Variants in PTPRT observed in about 807,000 individuals in gnomAD.
The protein encoded by PTPRT is receptor-type tyrosine-protein phosphatase T.
In PTPRT, 56 loss-of-function variants were observed where a neutral mutation model predicts 176.8. The observed-to-expected ratio is 0.32, with a 90% CI of 0.26 to 0.40. The LOEUF is 0.40. Ranked by LOEUF, PTPRT falls within the 10% of genes least tolerant of loss-of-function variation. The pLI is 1.00. For missense variants in PTPRT, 1,540 were observed against 1,908.2 expected, an observed-to-expected ratio of 0.81 and a Z score of 3.60; for synonymous variants, 783 against 739.0, an observed-to-expected ratio of 1.06 and a Z score of -0.96.
In PTPRT at chr20:42,652,536, G is replaced by T. The variant is rs1342326703; in HGVS notation, c.1153+25330C>A. ...TTGCTGATTTCCTGTTTCCCTCTCA[G>T]AGCATCCCCCTCCCCTTCACTCATG... On this transcript the variant is annotated intron_variant, in intron 7 of 30. Transcript: ENST00000373187. 2.0e-5 allele frequency among the ~76,000 whole-genome samples: 3 copies of T among 152,096 alleles called. No homozygotes were observed. In the East Asian group the frequency reaches 5.8e-4, roughly 29 times the overall value.
At chr20:43,118,550 C>T (rs1047354629) in intron 1 of PTPRT, among the ~76,000 whole-genome samples, 1 of 152,172 alleles carries the variant, frequency 6.6e-6, no homozygotes, top group Admixed American at 6.5e-5. Context: ...AGTGATTCTC[C>T]TGCCTCAGCC....
intron 7 of PTPRT, among the ~76,000 whole-genome samples, chr20:42,626,730 T>C (rs1473788971): frequency 6.6e-6 from 1 of 152,126 alleles, no homozygotes; most frequent in Non-Finnish European, 1.5e-5. Context: ...GAATCCATCA[T>C]GGTGCATCAG....
intron 12 of PTPRT, among the ~76,000 whole-genome samples, chr20:42,299,229 G>A (rs554549236): frequency 4.6e-5 from 7 of 152,098 alleles, no homozygotes; most frequent in South Asian, 4.2e-4. Flanking sequence ...TTAGAACCAC[G>A]TTATAATGTT....
chr20:42,441,977 C>G (rs1431514803), intron 9 of PTPRT, among the ~76,000 whole-genome samples: 1 of 152,196 alleles, frequency 6.6e-6, no homozygotes, highest in East Asian at 1.9e-4. Context: ...AGACTACCTC[C>G]TGCCCATCTG....
At chr20:42,866,728 C>T (rs2078752744) in intron 2 of PTPRT, among the ~76,000 whole-genome samples, 1 of 152,192 alleles carries the variant, frequency 6.6e-6, no homozygotes, top group Admixed American at 6.5e-5. Context: ...GTATCCCTTC[C>T]TAGAATACTA....
intron 1 of PTPRT, among the ~76,000 whole-genome samples, chr20:42,999,602 T>C (rs1600636578): frequency 7.0e-6 from 1 of 142,916 alleles, no homozygotes; most frequent in African/African-American, 2.6e-5. Context: ...AAAAAAAAAC[T>C]TGTGGTTTTT....
At chr20:43,022,771 A>C (rs568579617) in intron 1 of PTPRT, among the ~76,000 whole-genome samples, 4 of 152,318 alleles carry the variant, frequency 2.6e-5, no homozygotes, top group African/African-American at 9.6e-5. Context: ...AAAAAGCATA[A>C]GAACACACAA....
rs74732584 is a variant in PTPRT, at chr20:42,563,991, T to A, written c.1154-91429A>T. ...GGTGGCTCCACTGTCCCAAAGAGTC[T>A]TGAAGTCCCCCTCTGGACCCTCTGT... is the stretch of plus-strand genomic sequence containing the variant. On this transcript the variant is annotated intron_variant, in intron 7 of 30. Transcript: ENST00000373187. Among the ~76,000 whole-genome samples, 466 of 152,308 alleles carry A rather than the reference T, an allele frequency of 3.1e-3. 3 individuals are homozygous for A. The highest frequency in any genetic ancestry group is 0.011 in the African/African-American group (448 of 41,574).
chr20:42,956,467 C>T (rs978632258), intron 1 of PTPRT, among the ~76,000 whole-genome samples: 1 of 150,474 alleles, frequency 6.6e-6, no homozygotes, highest in East Asian at 1.9e-4. Context: ...GAGACACCTG[C>T]TCCCCCTTTG....
In PTPRT at chr20:42,076,213, G is replaced by A. The variant is rs1600448991; in HGVS notation, c.*4666C>T. 1 of 206,532 alleles carries A rather than the reference G, an allele frequency of 4.8e-6. No homozygotes were observed. Among genetic ancestry groups the A allele is most frequent in the East Asian group, 7.3e-5 (1 of 13,664 alleles). 12.8% of individuals were successfully genotyped at this position (206,532 alleles called of 1,614,324 possible). ...AATAGTGCCCCCTCCAAGGTGCTAG[G>A]TGCTGTAGGCACCCAGTAATTATGT... On this transcript the variant is annotated 3_prime_UTR_variant, in exon 31 of 31. Transcript: ENST00000373187.
chr20:42,974,029 G>T (rs1367193259), intron 1 of PTPRT, among the ~76,000 whole-genome samples: 1 of 152,004 alleles, frequency 6.6e-6, no homozygotes, highest in Admixed American at 6.6e-5. Flanking sequence ...GTAATCCCAG[G>T]CTGCCATTTT....
At chr20:43,032,915 C>T (rs1448772486) in intron 1 of PTPRT, among the ~76,000 whole-genome samples, 2 of 152,182 alleles carry the variant, frequency 1.3e-5, no homozygotes, top group Non-Finnish European at 2.9e-5. Context: ...TACAGAATTG[C>T]AGAGGTCTTG....
At chr20:42,703,872 G>C in intron 6 of PTPRT, among the ~76,000 whole-genome samples, 1 of 152,224 alleles carries the variant, frequency 6.6e-6, no homozygotes, top group Non-Finnish European at 1.5e-5. Context: ...GTCATCCGGG[G>C]TTTGGTCCTA....
intron 13 of PTPRT, among the ~76,000 whole-genome samples, chr20:42,262,844 G>C (rs2056772572): frequency 6.6e-6 from 1 of 152,158 alleles, no homozygotes; most frequent in Non-Finnish European, 1.5e-5. Context: ...ACTTTGCTTA[G>C]GGCGGGGGAG....
chr20:42,728,570 C>A (rs960575449), intron 6 of PTPRT, among the ~76,000 whole-genome samples: 1 of 152,184 alleles, frequency 6.6e-6, no homozygotes, highest in African/African-American at 2.4e-5. Flanking sequence ...GTTCATTCCA[C>A]CAAGCACACA....
intron 2 of PTPRT, among the ~76,000 whole-genome samples, chr20:42,805,595 GA>G (rs1418673904): frequency 2.0e-5 from 3 of 152,202 alleles, no homozygotes; most frequent in Admixed American, 2.0e-4. Flanking sequence ...CAAGAGCTTT[GA>G]AACAAGTTGA....
the PTPRT span, among the ~76,000 whole-genome samples, chr20:42,036,614 C>T: frequency 1.3e-5 from 2 of 152,082 alleles, no homozygotes; most frequent in East Asian, 1.9e-4. Flanking sequence ...GCAGGAATCC[C>T]GAAGAGCACT....
At chr20:42,525,686 T>C (rs2145515178) in intron 7 of PTPRT, among the ~76,000 whole-genome samples, 1 of 152,342 alleles carries the variant, frequency 6.6e-6, no homozygotes, top group Middle Eastern at 3.4e-3. Flanking sequence ...TCCCTAATTA[T>C]CTCTTCAAAT....
At chr20:42,983,434 G>A (rs929580583) in intron 1 of PTPRT, among the ~76,000 whole-genome samples, 9 of 152,202 alleles carry the variant, frequency 5.9e-5, no homozygotes, top group African/African-American at 2.2e-4. Flanking sequence ...AACTTCCCAA[G>A]GTCACAGAGA....
Sources: gnomAD v4.1 joint callset for allele counts (sites outside exome capture counted in the v4.1 genomes callset) on GRCh38, gnomAD v4.1.1 for gene constraint, MANE v1.5 for transcripts, NCBI Gene and HGNC (gene_info 2026-07-23, HGNC 2026-07-21) for gene names.